The following ALDH7A1 variants were observed in gnomAD, a reference collection of about 807,000 sequenced individuals.
The protein encoded by ALDH7A1 is alpha-aminoadipic semialdehyde dehydrogenase.
Under a neutral mutation model 79.9 loss-of-function variants are expected in ALDH7A1, and 63 were observed. The ratio of observed to expected loss-of-function variants is 0.79; its 90% CI spans 0.64 to 0.97. The LOEUF (loss-of-function observed/expected upper bound fraction) is 0.97, where lower values mean the gene tolerates loss of function less well. Among genes scored for constraint, ALDH7A1 ranks in the 50% least tolerant of loss-of-function variants. The pLI, the probability that ALDH7A1 is intolerant of heterozygous loss-of-function variation, is 0.00. For missense variants in ALDH7A1, 627 were observed against 665.2 expected, an observed-to-expected ratio of 0.94 and a Z score of 0.63; for synonymous variants, 240 against 231.2, an observed-to-expected ratio of 1.04 and a Z score of -0.34.
intron 9 of ALDH7A1, chr5:126,564,712 G>A: frequency 2.1e-6 from 1 of 470,384 alleles, no homozygotes. Flanking sequence ...ATGACAGCTT[G>A]CTGGCTATAG....
intron 9 of ALDH7A1, 160 bp from the exon 10 acceptor site, chr5:126,561,284 C>A: frequency 2.2e-6 from 1 of 461,364 alleles, no homozygotes; most frequent in East Asian, 3.4e-5. Context: ...ACACCCTATC[C>A]CAATTATTTT....
chr5:126,548,894 T>TA (rs33926729), intron 16 of ALDH7A1, among the ~76,000 whole-genome samples: 3,152 of 93,336 alleles, frequency 0.034, 69 homozygotes, highest in Middle Eastern at 0.081. Context: ...GGCCTGTTTC[T>TA]AAAAAAAAAA....
chr5:126,579,654 T>TA (rs34674137), intron 5 of ALDH7A1, among the ~76,000 whole-genome samples: 217 of 149,356 alleles, frequency 1.5e-3, no homozygotes, highest in Middle Eastern at 3.5e-3. Context: ...TAAACTGCTT[T>TA]AAAAAAAAAA....
chr5:126,568,430 ACTGAAGTGCC>A, intron 8 of ALDH7A1, 74 bp from the exon 9 acceptor site: 2 of 1,231,082 alleles, frequency 1.6e-6, no homozygotes, highest in Non-Finnish European at 2.4e-6. Flanking sequence ...GGTACCCAGC[ACTGAAGTGCC>A]CTTGAAAAAG....
intron 11 of ALDH7A1, among the ~76,000 whole-genome samples, chr5:126,558,089 A>G (rs180745168): frequency 6.9e-6 from 1 of 143,942 alleles, no homozygotes; most frequent in Non-Finnish European, 1.5e-5. Context: ...AATCGCTTGA[A>G]TCCAGGAGGT....
Position 126,544,771 on chromosome 5 carries a change from T to A in ALDH7A1, c.*194A>T, listed in dbSNP as rs1433565408. The A allele has an allele frequency of 3.4e-6, 2 of 588,858 alleles. No homozygotes were observed. The highest frequency in any genetic ancestry group is 6.0e-6 in the Non-Finnish European group (2 of 331,196). 36.5% of individuals were successfully genotyped at this position (588,858 alleles called of 1,614,324 possible). ...ACTCATCTTTTAGTAACTATGGCTA[T>A]GTTGTAACAATTTTATTTTGATTTT... On this transcript the variant is annotated 3_prime_UTR_variant, in exon 18 of 18. Coordinates refer to ENST00000409134, the MANE Select transcript of ALDH7A1 (RefSeq NM_001182.5).
At chr5:126,564,539 G>A in intron 9 of ALDH7A1, 1 of 1,248,148 alleles carries the variant, frequency 8.0e-7, no homozygotes. Flanking sequence ...TTATTCATTT[G>A]TGATATCAGG....
At chr5:126,563,803 TTC>T (rs1298240150) in intron 9 of ALDH7A1, among the ~76,000 whole-genome samples, 6 of 151,930 alleles carry the variant, frequency 3.9e-5, no homozygotes, top group Non-Finnish European at 2.9e-5. Flanking sequence ...CCATTTTTTT[TTC>T]TTTCTTTCTT....
At chr5:126,546,790 C>T (rs1420322124) in intron 16 of ALDH7A1, among the ~76,000 whole-genome samples, 2 of 152,104 alleles carry the variant, frequency 1.3e-5, no homozygotes, top group African/African-American at 2.4e-5. Flanking sequence ...TCTTCTTTAT[C>T]TCTCTCAATA....
chr5:126,547,642 A>G (rs1207673013), intron 16 of ALDH7A1, among the ~76,000 whole-genome samples: 1 of 152,214 alleles, frequency 6.6e-6, no homozygotes, highest in Non-Finnish European at 1.5e-5. Flanking sequence ...AGAAACCTCT[A>G]TCATAATAGA....
intron 9 of ALDH7A1, chr5:126,562,215 T>C (rs1418320441): frequency 6.6e-6 from 1 of 151,836 alleles, no homozygotes; most frequent in Non-Finnish European, 1.5e-5. Flanking sequence ...AATTTTTTTT[T>C]TTTTTGAGAC....
intron 16 of ALDH7A1, among the ~76,000 whole-genome samples, chr5:126,547,132 CT>C (rs1177175845): frequency 6.6e-6 from 1 of 152,142 alleles, no homozygotes; most frequent in African/African-American, 2.4e-5. Flanking sequence ...CGCAGAGGCT[CT>C]AAGGAACCAA....
chr5:126,589,376 C>T (rs1160134719), intron 3 of ALDH7A1, among the ~76,000 whole-genome samples: 3 of 151,914 alleles, frequency 2.0e-5, no homozygotes, highest in South Asian at 2.1e-4. Flanking sequence ...AGGCTGGTCT[C>T]GAACTCCCAA....
chr5:126,545,476 T>G (rs1345886411), intron 17 of ALDH7A1, among the ~76,000 whole-genome samples: 2 of 142,344 alleles, frequency 1.4e-5, no homozygotes, highest in African/African-American at 5.0e-5. Flanking sequence ...TTGGCCAGGC[T>G]GGTCTTGAAC....
At position 126,577,192 on chromosome 5, in the gene ALDH7A1, A is replaced by G; in HGVS notation, c.537T>C (p.Ile179=). 1 of 1,614,180 alleles carries G rather than the reference A, an allele frequency of 6.2e-7. No homozygotes were observed. ...CCAGGCCTACGGGATTCCACTGCTC[A>G]ATCAGTGCATGGCCAGATCCTGAGG... is the stretch of plus-strand genomic sequence containing the variant. ...LPSERSGHAL[I]EQWNPVGLVG... Residue 179 remains isoleucine, a synonymous_variant, in exon 6 of 18, where the codon ATT becomes ATC. Coordinates refer to ENST00000409134, the MANE Select transcript of ALDH7A1 (RefSeq NM_001182.5).
intron 3 of ALDH7A1, chr5:126,586,840 C>T (rs980142421): frequency 2.0e-5 from 3 of 152,316 alleles, no homozygotes; most frequent in African/African-American, 7.2e-5. Context: ...ATTCCCAGCA[C>T]TTTGGGAGGC....
In ALDH7A1 at chr5:126,552,061, G is replaced by C; in HGVS notation, c.1277C>G (p.Thr426Arg). 6.2e-7 allele frequency: 1 copy of C among 1,613,970 alleles called. No homozygotes were observed. Residue 426 changes from threonine (T) to arginine (R), a missense_variant, in exon 14 of 18, where the codon ACA (threonine) becomes AGA (arginine). Transcript: ENST00000409134. ...GLGHDASIAH[T>R]ETFAPILYVF... is the part of the protein sequence containing the mutation. ...ATAGAGAATCGGAGCAAAAGTCTCTGTGTGTGCAATGGACGCATCGTGGCC... is the reference window on the plus strand; with the variant it reads ...ATAGAGAATCGGAGCAAAAGTCTCTCTGTGTGCAATGGACGCATCGTGGCC...
intron 7 of ALDH7A1, 118 bp downstream of exon 7, chr5:126,575,302 A>G (rs1443672605): frequency 2.2e-6 from 2 of 890,714 alleles, no homozygotes. Flanking sequence ...CAAAGGAGAA[A>G]GAGGTTATCC....
chr5:126,593,366 T>C lies in ALDH7A1; in HGVS notation c.231A>G (p.Ile77Met), dbSNP rs1751622513. ...TTYCPANNEP[I>M]ARVRQASVAD... ...ACACTCTTACCTGTCGGACTCTTGC[T>C]ATTGGCTCGTTGTTAGCAGGGCAAT... Residue 77 changes from isoleucine (I) to methionine (M), a missense_variant, in exon 2 of 18, where the codon ATA (isoleucine) becomes ATG (methionine). Transcript: ENST00000409134. 1 of 1,613,240 alleles carries C rather than the reference T, an allele frequency of 6.2e-7. No individual in the cohort carries two copies. The highest frequency in any genetic ancestry group is 1.1e-5 in the South Asian group (1 of 91,034).
Sources: gnomAD v4.1 joint callset for allele counts (sites outside exome capture counted in the v4.1 genomes callset) on GRCh38, gnomAD v4.1.1 for gene constraint, MANE v1.5 for transcripts, NCBI Gene and HGNC (gene_info 2026-07-23, HGNC 2026-07-21) for gene names.